The following SGCD variants were observed in gnomAD, a reference collection of about 807,000 sequenced individuals.
SGCD encodes the protein delta-sarcoglycan.
A neutral mutation model predicts 36.6 loss-of-function variants in SGCD; 18 were observed. The observed-to-expected ratio is 0.49, with a 90% CI of 0.34 to 0.73. The LOEUF is 0.73. SGCD is among the 30% of genes least tolerant of loss of function. SGCD has a pLI of 0.01. For synonymous variants in SGCD, 133 were observed against 130.6 expected (o/e 1.02, Z -0.12); for missense variants, 387 against 346.7 (o/e 1.12, Z -0.92).
chr5:156,642,014 G>A (rs185679367), intron 6 of SGCD, among the ~76,000 whole-genome samples: 2 of 152,262 alleles, frequency 1.3e-5, no homozygotes, highest in Admixed American at 6.5e-5. Context: ...TCTGGAGGCT[G>A]GGGAGTCTGA....
chr5:156,037,925 G>A (rs1480815950), intron 1 of SGCD, among the ~76,000 whole-genome samples: 1 of 152,128 alleles, frequency 6.6e-6, no homozygotes, highest in Non-Finnish European at 1.5e-5. Context: ...AGGCAAAAAT[G>A]CAGGCAATGA....
At chr5:156,258,869 T>TA (rs1327736929) in intron 3 of SGCD, among the ~76,000 whole-genome samples, 1 of 152,120 alleles carries the variant, frequency 6.6e-6, no homozygotes, top group Admixed American at 6.5e-5. Context: ...AATTACCATA[T>TA]AAACAAAAGC....
At chr5:156,617,393 A>G (rs1414879440) in intron 6 of SGCD, among the ~76,000 whole-genome samples, 2 of 152,230 alleles carry the variant, frequency 1.3e-5, no homozygotes, top group African/African-American at 4.8e-5. Flanking sequence ...CTTGGCAAGT[A>G]ATTTCATGTG....
At chr5:156,568,444 TCC>T (rs1235787695) in intron 4 of SGCD, among the ~76,000 whole-genome samples, 95 of 152,158 alleles carry the variant, frequency 6.2e-4, no homozygotes, top group Non-Finnish European at 2.9e-5. Flanking sequence ...TCCCTACTCT[TCC>T]CCCCATTGAA....
chr5:156,136,235 C>A (rs1762453275), intron 3 of SGCD, among the ~76,000 whole-genome samples: 1 of 152,134 alleles, frequency 6.6e-6, no homozygotes, highest in Admixed American at 6.5e-5. Flanking sequence ...GCCTCAGCTT[C>A]CTGAGTACCT....
Position 155,975,611 on chromosome 5 carries a change from T to C in SGCD, c.-282+105187T>C, listed in dbSNP as rs1369429994. 9.0e-4 allele frequency among the ~76,000 whole-genome samples: 31 copies of C among 34,560 alleles called. 2 individuals carry two copies. Among genetic ancestry groups the C allele is most frequent in the Admixed American group, 1.1e-3 (4 of 3,580 alleles). The allele number at this position is 34,560 out of a possible 152,430, so 22.7% of individuals were successfully genotyped here. On this transcript the variant is annotated intron_variant, in intron 1 of 9. Transcript: ENST00000517913. ...TGTTATTTATTTTTCTTTCTTTCCT[T>C]TTTTTTTTTTTTTTTTTTTTTTTTT...
At chr5:156,062,028 C>G (rs1760226846) in intron 1 of SGCD, among the ~76,000 whole-genome samples, 1 of 86,498 alleles carries the variant, frequency 1.2e-5, no homozygotes, top group Non-Finnish European at 2.1e-5. Flanking sequence ...GTGCGCTGCA[C>G]CCACTAATGT....
chr5:156,436,356 A>G (rs1248949117), intron 3 of SGCD, among the ~76,000 whole-genome samples: 1 of 152,250 alleles, frequency 6.6e-6, no homozygotes, highest in Non-Finnish European at 1.5e-5. Flanking sequence ...TGTTGAATGA[A>G]TAAATGAATG....
chr5:155,955,907 G>A (rs2113440143), intron 1 of SGCD, among the ~76,000 whole-genome samples: 1 of 152,248 alleles, frequency 6.6e-6, no homozygotes, highest in South Asian at 2.1e-4. Context: ...AGCTTACTGA[G>A]TTAGCCCTAA....
intron 2 of SGCD, among the ~76,000 whole-genome samples, chr5:156,123,656 T>C (rs1404783289): frequency 6.6e-6 from 1 of 152,142 alleles, no homozygotes; most frequent in African/African-American, 2.4e-5. Context: ...AGCCTTGATA[T>C]ACTATGAAAT....
At chr5:156,228,014 A>G (rs1229307574) in intron 3 of SGCD, among the ~76,000 whole-genome samples, 1 of 152,152 alleles carries the variant, frequency 6.6e-6, no homozygotes. Context: ...AGTGCTTGAT[A>G]TAATTTCAAT....
intron 7 of SGCD, chr5:156,739,895 G>A (rs1756581093): frequency 6.6e-6 from 1 of 152,080 alleles, no homozygotes; most frequent in Non-Finnish European, 1.5e-5. Flanking sequence ...CAGCTAGAAT[G>A]CCCAACTCAA....
chr5:156,083,050 G>T (rs900234466), intron 1 of SGCD, among the ~76,000 whole-genome samples: 2 of 151,622 alleles, frequency 1.3e-5, no homozygotes, highest in African/African-American at 4.8e-5. Flanking sequence ...ATGCTTATCT[G>T]CTATCTGTAT....
the SGCD span, among the ~76,000 whole-genome samples, chr5:155,770,534 TA>T: frequency 6.6e-6 from 1 of 152,104 alleles, no homozygotes. Context: ...GTTAGAAAAG[TA>T]GTAGCCTTAA....
chr5:156,202,816 G>A (rs1308129417), intron 3 of SGCD, among the ~76,000 whole-genome samples: 4 of 148,112 alleles, frequency 2.7e-5, no homozygotes, highest in Non-Finnish European at 5.9e-5. Flanking sequence ...AGTTAATGCA[G>A]TTGGGCATGG....
the SGCD span, among the ~76,000 whole-genome samples, chr5:155,863,188 GCT>G: frequency 6.6e-6 from 1 of 152,100 alleles, no homozygotes; most frequent in Non-Finnish European, 1.5e-5. Context: ...GGGCATGGAC[GCT>G]CCATCCAGAT....
intron 6 of SGCD, among the ~76,000 whole-genome samples, chr5:156,619,650 C>T (rs1159769427): frequency 6.6e-6 from 1 of 151,986 alleles, no homozygotes; most frequent in Non-Finnish European, 1.5e-5. Flanking sequence ...TTTGCTTTTC[C>T]AGCAGAGGCC....
chr5:156,381,813 C>T (rs1250200359), intron 3 of SGCD, among the ~76,000 whole-genome samples: 2 of 152,040 alleles, frequency 1.3e-5, no homozygotes, highest in African/African-American at 4.8e-5. Flanking sequence ...GGTTCAGCTC[C>T]AACATTTAAG....
At chr5:156,077,241 C>G (rs1353956785) in intron 1 of SGCD, among the ~76,000 whole-genome samples, 1 of 152,132 alleles carries the variant, frequency 6.6e-6, no homozygotes, top group African/African-American at 2.4e-5. Context: ...TCTTTCCTAT[C>G]CTTTAGGACC....
Sources: allele counts gnomAD v4.1 joint callset (sites outside exome capture counted in the v4.1 genomes callset), GRCh38; gene constraint gnomAD v4.1.1; transcripts MANE v1.5; gene names NCBI Gene and HGNC (gene_info 2026-07-23, HGNC 2026-07-21).